Variants in GALNT13 observed in about 807,000 individuals in gnomAD.
The protein encoded by GALNT13 is polypeptide N-acetylgalactosaminyltransferase 13.
In GALNT13, 28 loss-of-function variants were observed where a neutral mutation model predicts 64.2. That is an observed-to-expected ratio of 0.44 (90% CI 0.32 to 0.60). GALNT13 has a LOEUF of 0.60. Ranked by LOEUF, GALNT13 falls within the 20% of genes least tolerant of loss-of-function variation. The probability of loss-of-function intolerance (pLI) is 0.05; values close to 1 mark genes in which losing one functional copy is unlikely to be tolerated. For missense variants in GALNT13, 577 were observed against 669.8 expected, an observed-to-expected ratio of 0.86 and a Z score of 1.53; for synonymous variants, 214 against 224.6, an observed-to-expected ratio of 0.95 and a Z score of 0.42.
Position 153,923,548 on chromosome 2 carries a change from T to A in GALNT13, c.-104-20846T>A, listed in dbSNP as rs59395526. ...ATCTCAATCATGGTTGTTTTTATTTTTTTTTATTATACTTTAAGTTCTAGG... is the reference window on the plus strand; with the variant it reads ...ATCTCAATCATGGTTGTTTTTATTTATTTTTATTATACTTTAAGTTCTAGG... On this transcript the variant is annotated intron_variant, in intron 2 of 12. Transcript: ENST00000392825. Among the ~76,000 whole-genome samples the A allele has an allele frequency of 7.7e-3, 1,172 of 152,276 alleles. 15 individuals are homozygous for A. Among genetic ancestry groups the A allele is most frequent in the African/African-American group, 0.027 (1,107 of 41,558 alleles).
the GALNT13 span, among the ~76,000 whole-genome samples, chr2:153,701,295 C>A: frequency 3.3e-5 from 5 of 152,102 alleles, no homozygotes; most frequent in Non-Finnish European, 5.9e-5. Flanking sequence ...TAGCCATAAG[C>A]AGAAAACTGA....
chr2:153,093,241 C>T, the GALNT13 span, among the ~76,000 whole-genome samples: 115,701 of 139,034 alleles, frequency 0.83, 48,651 homozygotes, highest in East Asian at 0.95. Context: ...CTTTTCTTTT[C>T]TTTTTTTTTT....
intron 2 of GALNT13, among the ~76,000 whole-genome samples, chr2:153,932,095 A>G (rs559367192): frequency 4.6e-5 from 7 of 152,264 alleles, no homozygotes; most frequent in African/African-American, 1.7e-4. Flanking sequence ...AGAGGTGTTT[A>G]TAATAGTCTG....
intron 3 of GALNT13, among the ~76,000 whole-genome samples, chr2:154,069,367 C>A (rs1700629195): frequency 6.6e-6 from 1 of 151,686 alleles, no homozygotes; most frequent in South Asian, 2.1e-4. Context: ...CAAATGATTA[C>A]ATAAATAAAC....
intron 3 of GALNT13, among the ~76,000 whole-genome samples, chr2:153,971,652 C>G (rs1428023169): frequency 6.6e-6 from 1 of 151,994 alleles, no homozygotes; most frequent in Admixed American, 6.6e-5. Context: ...ATGAAGTTTT[C>G]CAATATAGGT....
At chr2:154,169,887 TAGAGAGAGAGAGTA>T (rs1039018969) in intron 4 of GALNT13, among the ~76,000 whole-genome samples, 2 of 151,160 alleles carry the variant, frequency 1.3e-5, no homozygotes, top group African/African-American at 4.9e-5. Context: ...CTCTTTCCCT[TAGAGAGAGAGAGTA>T]AGAGAGAGAG....
the GALNT13 span, among the ~76,000 whole-genome samples, chr2:153,674,673 T>C: frequency 2.0e-5 from 3 of 151,990 alleles, no homozygotes; most frequent in Non-Finnish European, 4.4e-5. Context: ...CAAAAAGCAA[T>C]GGCAACAAAA....
At chr2:154,404,702 G>A (rs1388718487) in intron 10 of GALNT13, among the ~76,000 whole-genome samples, 1 of 152,130 alleles carries the variant, frequency 6.6e-6, no homozygotes, top group African/African-American at 2.4e-5. Context: ...AAACTCACTA[G>A]CTGAAGCTCC....
intron 8 of GALNT13, among the ~76,000 whole-genome samples, chr2:154,281,709 G>A (rs978328381): frequency 4.0e-5 from 6 of 151,896 alleles, no homozygotes; most frequent in Non-Finnish European, 7.4e-5. Context: ...CACACACACC[G>A]GTTCATGCAC....
At chr2:154,012,941 T>G (rs1696747722) in intron 3 of GALNT13, among the ~76,000 whole-genome samples, 1 of 151,934 alleles carries the variant, frequency 6.6e-6, no homozygotes, top group Admixed American at 6.6e-5. Context: ...GGCCATTTCT[T>G]CATTCAGCTC....
chr2:154,215,693 A>G (rs2105810581), intron 4 of GALNT13, among the ~76,000 whole-genome samples: 1 of 152,210 alleles, frequency 6.6e-6, no homozygotes, highest in African/African-American at 2.4e-5. Flanking sequence ...TTTCATTTAA[A>G]CTTCCATAAA....
chr2:153,728,949 A>G, the GALNT13 span, among the ~76,000 whole-genome samples: 1 of 152,350 alleles, frequency 6.6e-6, no homozygotes, highest in East Asian at 1.9e-4. Context: ...AAGAAGTCAA[A>G]TCCCTGAATA....
chr2:153,365,317 G>A, the GALNT13 span, among the ~76,000 whole-genome samples: 1 of 152,034 alleles, frequency 6.6e-6, no homozygotes, highest in Non-Finnish European at 1.5e-5. Context: ...ATATCACTCG[G>A]GACATAGGCA....
the GALNT13 span, among the ~76,000 whole-genome samples, chr2:153,170,001 G>A: frequency 6.6e-6 from 1 of 152,100 alleles, no homozygotes; most frequent in African/African-American, 2.4e-5. Flanking sequence ...TAATCTTCAT[G>A]TTTAAGTAAA....
intron 3 of GALNT13, among the ~76,000 whole-genome samples, chr2:153,983,356 A>G (rs1233479484): frequency 6.6e-6 from 1 of 151,878 alleles, no homozygotes; most frequent in Non-Finnish European, 1.5e-5. Flanking sequence ...AACGTATCTC[A>G]ATAGTTTCTA....
At chr2:153,205,787 T>G in the GALNT13 span, among the ~76,000 whole-genome samples, 1 of 152,112 alleles carries the variant, frequency 6.6e-6, no homozygotes, top group Non-Finnish European at 1.5e-5. Flanking sequence ...CAACAGAAAT[T>G]ATTTAATTTT....
intron 9 of GALNT13, among the ~76,000 whole-genome samples, chr2:154,308,380 A>G (rs1693854969): frequency 6.6e-6 from 1 of 152,092 alleles, no homozygotes; most frequent in South Asian, 2.1e-4. Context: ...ATTCATTTCC[A>G]TCTCTTGAAA....
the GALNT13 span, among the ~76,000 whole-genome samples, chr2:153,400,257 G>T: frequency 6.6e-6 from 1 of 151,896 alleles, no homozygotes; most frequent in Non-Finnish European, 1.5e-5. Flanking sequence ...AACCAGCCTT[G>T]CATCCCAGGG....
chr2:153,861,440 C>T, the GALNT13 span, among the ~76,000 whole-genome samples: 1 of 151,712 alleles, frequency 6.6e-6, no homozygotes, highest in African/African-American at 2.4e-5. Context: ...TTTGTGTAGA[C>T]TGGTGAATGA....
Sources: allele counts gnomAD v4.1 joint callset (sites outside exome capture counted in the v4.1 genomes callset), GRCh38; gene constraint gnomAD v4.1.1; transcripts MANE v1.5; gene names NCBI Gene and HGNC (gene_info 2026-07-23, HGNC 2026-07-21).